Variants in SAGE1 observed in about 807,000 individuals in gnomAD.
SAGE1 encodes sarcoma antigen 1.
A neutral mutation model predicts 55.4 loss-of-function variants in SAGE1; 55 were observed. The ratio of observed to expected loss-of-function variants is 0.99; its 90% CI spans 0.80 to 1.24. The LOEUF (loss-of-function observed/expected upper bound fraction) is 1.24. Ranked by LOEUF, SAGE1 falls within the 50% of genes most tolerant of loss-of-function variation. The pLI is 0.00. For synonymous variants in SAGE1, 240 were observed against 244.3 expected, an observed-to-expected ratio of 0.98 and a Z score of 0.17; for missense variants, 710 against 704.4, an observed-to-expected ratio of 1.01 and a Z score of -0.09.
chrX:135,904,310 G>C (rs1274997638), intron 3 of SAGE1, among the ~76,000 whole-genome samples, 167 bp from the exon 4 acceptor site: 1 of 111,488 alleles, frequency 9.0e-6, no homozygotes, highest in Non-Finnish European at 1.9e-5. Context: ...AGGTAATTTT[G>C]TTGTATTATC....
At chrX:135,897,946 T>G (rs1224244977) in intron 2 of SAGE1, among the ~76,000 whole-genome samples, 4 of 112,442 alleles carry the variant, frequency 3.6e-5, no homozygotes, top group Non-Finnish European at 7.5e-5. Context: ...TTTTCTTGCG[T>G]TAGTTTCCTG....
intron 3 of SAGE1, among the ~76,000 whole-genome samples, chrX:135,902,221 A>C (rs1448605568): frequency 1.8e-5 from 2 of 111,102 alleles, no homozygotes; most frequent in Admixed American, 9.5e-5. Flanking sequence ...TATACTATCT[A>C]TTTAGGCGAT....
At chrX:135,911,393 G>A in intron 17 of SAGE1, 61 bp downstream of exon 17, 1 of 1,110,436 alleles carries the variant, frequency 9.0e-7, no homozygotes, top group Admixed American at 2.3e-5. Context: ...ATAGTGTCCT[G>A]CAGGGAAGAA....
Position 135,909,746 on chromosome X carries a change from G to T in SAGE1, c.1690G>T (p.Ala564Ser). 7 of 1,203,962 alleles carry T rather than the reference G, an allele frequency of 5.8e-6. No homozygotes were observed. Among genetic ancestry groups the T allele is most frequent in the Non-Finnish European group, 6.7e-6 (6 of 890,614 alleles). ...ACCAGGACTTACTTATTTGACAGTA[G>T]CTGGTATTCCGGCCATGAGTACCAG... Reference protein sequence around the residue: ...VLPGLTYLTVAGIPAMSTRDQ... With the variant: ...VLPGLTYLTVSGIPAMSTRDQ... The change falls in exon 14 of 20, where the codon GCT becomes TCT. Residue 564 changes from alanine (A) to serine (S), a missense_variant. Coordinates refer to ENST00000370709, the MANE Select transcript of SAGE1 (RefSeq NM_001381902.1).
intron 10 of SAGE1, 76 bp from the exon 11 acceptor site, chrX:135,908,013 G>A: frequency 9.0e-7 from 1 of 1,112,379 alleles, no homozygotes; most frequent in Non-Finnish European, 1.2e-6. Flanking sequence ...TAGATAGTGA[G>A]CATCAGAGGG....
chrX:135,898,167 G>A (rs1279102886), intron 2 of SAGE1, among the ~76,000 whole-genome samples: 2 of 110,995 alleles, frequency 1.8e-5, no homozygotes, highest in African/African-American at 3.3e-5. Flanking sequence ...GCAAGCGCCC[G>A]CCACCACACC....
chrX:135,909,805 G>A (rs781865847), intron 14 of SAGE1, 26 bp downstream of exon 14: 1 of 1,157,267 alleles, frequency 8.6e-7, no homozygotes, highest in Admixed American at 2.5e-5. Context: ...CAGTTGTACT[G>A]TCCTACTTGG....
In SAGE1 at chrX:135,906,474, A is replaced by G. The variant is rs1556601195; in HGVS notation, c.659A>G (p.Asn220Ser). ...KMENVQPAPDNVLLTLRPRRI... is the reference protein window; with the variant it reads ...KMENVQPAPDSVLLTLRPRRI... ...GAAAATGTCCAACCAGCACCTGATA[A>G]CGTGTTGTTGACTCTTCGACCACGG... Residue 220 changes from asparagine (N) to serine (S), a missense_variant, in exon 7 of 20, where the codon AAC becomes AGC. By Grantham distance (46) the Asn-to-Ser change is conservative (BLOSUM62 1). Transcript: ENST00000370709. 3.3e-6 allele frequency: 4 copies of G among 1,208,689 alleles called. No homozygotes were observed. Among genetic ancestry groups the G allele is most frequent in the Admixed American group, 2.2e-5 (1 of 45,816 alleles).
rs200846172 is a variant in SAGE1, at chrX:135,912,402, A to G, written c.2603A>G (p.Lys868Arg). 2.9e-5 allele frequency: 35 copies of G among 1,206,403 alleles called. No homozygotes were observed. Among genetic ancestry groups the G allele is most frequent in the Non-Finnish European group, 3.8e-5 (34 of 893,750 alleles). Residue 868 changes from lysine to arginine, a missense_variant, in exon 19 of 20, where the codon AAG becomes AGG. By Grantham distance (26) the Lys-to-Arg change is conservative. Transcript: ENST00000370709. ...VKRQFVEFTI[K>R]EAARFKKVVL... is the part of the protein sequence containing the mutation. ...AGACAATTTGTTGAATTTACCATCAAGGAAGCAGCAAGGTGAGTGCAAAAA... is the reference window on the plus strand; with the variant it reads ...AGACAATTTGTTGAATTTACCATCAGGGAAGCAGCAAGGTGAGTGCAAAAA...
At chrX:135,910,848 C>T (rs949656649) in intron 16 of SAGE1, among the ~76,000 whole-genome samples, 13 of 111,331 alleles carry the variant, frequency 1.2e-4, no homozygotes, top group Non-Finnish European at 3.8e-5. Context: ...AGATAAAAAA[C>T]GGCCAACCAG....
chrX:135,911,486 A>C (rs1293110451), intron 17 of SAGE1, 93 bp from the exon 18 acceptor site: 41 of 876,862 alleles, frequency 4.7e-5, no homozygotes, highest in Non-Finnish European at 6.4e-5. Flanking sequence ...GCTTCATGAG[A>C]TAACTCCCTA....
chrX:135,910,688 C>A (rs975966101), intron 16 of SAGE1, 133 bp downstream of exon 16: 37 of 552,618 alleles, frequency 6.7e-5, no homozygotes, highest in Non-Finnish European at 1.1e-4. Flanking sequence ...GTCCACCTGG[C>A]ATATCCTTGC....
In SAGE1 at chrX:135,911,753, A is replaced by G; in HGVS notation, c.2321A>G (p.Glu774Gly). Residue 774 changes from glutamate (E) to glycine (G), a missense_variant, in exon 18 of 20, where the codon GAG becomes GGG. By Grantham distance (98) the Glu-to-Gly change is moderately conservative. Transcript: ENST00000370709. Reference protein sequence around the residue: ...SHDFTSLSKDELLYKPDSNEF... With the variant: ...SHDFTSLSKDGLLYKPDSNEF... ...GACTTCACAAGTCTCAGCAAAGATG[A>G]GCTGCTTTACAAACCTGATAGTAAT... is the stretch of plus-strand genomic sequence containing the variant. 8.3e-7 allele frequency: 1 copy of G among 1,211,661 alleles called. No homozygotes were observed. Among genetic ancestry groups the G allele is most frequent in the Non-Finnish European group, 1.1e-6 (1 of 895,275 alleles).
At position 135,907,338 on chromosome X, in the gene SAGE1, T is replaced by C. The variant is rs1556602332; in HGVS notation, c.903T>C (p.Cys301=). 5 of 1,209,577 alleles carry C rather than the reference T, an allele frequency of 4.1e-6. No homozygotes were observed. The Admixed American group carries it at 1.1e-4, about 26-fold the overall frequency. ...GLYSTVPHNV[C]EEKMENDQPQ... Reference sequence around the variant, plus strand: ...ATTCCACCGTCCCTCACAATGTCTGTGAAGAGAAGATGGAAAATGACCAAC... The same window carrying C: ...ATTCCACCGTCCCTCACAATGTCTGCGAAGAGAAGATGGAAAATGACCAAC... Residue 301 remains cysteine, a synonymous_variant, in exon 9 of 20, where the codon TGT becomes TGC. Coordinates refer to ENST00000370709, the MANE Select transcript of SAGE1 (RefSeq NM_001381902.1).
At position 135,906,106 on chromosome X, in the gene SAGE1, C is replaced by T. The variant is rs151240146; in HGVS notation, c.537C>T (p.Pro179=). The change falls in exon 6 of 20, where the codon CCC becomes CCT. Residue 179 remains proline (P), a synonymous_variant. Transcript: ENST00000370709. The part of the protein sequence containing the change: ...PQPDNVLSTG[P]TGLINMAATP... ...CTGATAACGTCTTGTCAACTGGTCCCACAGGGCTTATTAATATGGCAGCAA... is the reference window on the plus strand; with the variant it reads ...CTGATAACGTCTTGTCAACTGGTCCTACAGGGCTTATTAATATGGCAGCAA... 25 of 1,202,740 alleles carry T rather than the reference C, an allele frequency of 2.1e-5. No individual in the cohort carries two copies. In the African/African-American group the frequency reaches 4.4e-4, roughly 21 times the overall value.
Position 135,901,414 on chromosome X carries a change from G to T in SAGE1, c.88-145G>T, listed in dbSNP as rs782378952. The T allele has an allele frequency of 3.1e-5, 17 of 554,626 alleles. No homozygotes were observed. In the South Asian group the frequency reaches 6.1e-4, roughly 20 times the overall value. The allele number at this position is 554,626 out of a possible 1,213,427, so 45.7% of individuals were successfully genotyped here. ...AGCTTGCCTTTTCTGAGAGCATCGT[G>T]TATGTTCAGGGATGAGAAATCTTTG... On this transcript the variant is annotated intron_variant, in intron 2 of 19. Transcript: ENST00000370709.
intron 11 of SAGE1, 58 bp from the exon 12 acceptor site, chrX:135,908,419 A>C: frequency 8.7e-7 from 1 of 1,143,129 alleles, no homozygotes. Context: ...GGATATATAC[A>C]TGTGTGCTTG....
In SAGE1 at chrX:135,908,873, T is replaced by C. The variant is rs150494017; in HGVS notation, c.1451T>C (p.Ile484Thr). The C allele has an allele frequency of 2.5e-6, 3 of 1,208,169 alleles. No homozygotes were observed. The African/African-American group carries it at 5.3e-5, about 21-fold the overall frequency. ...TCCCTTTGGTTTCCAGATGCTACCA[T>C]TACTCACAGTGTTCGTGAAGAGAAG... is the stretch of plus-strand genomic sequence containing the variant. The part of the protein sequence containing the change: ...AMSSRDLYAT[I>T]THSVREEKME... Residue 484 changes from isoleucine (I) to threonine (T), a missense_variant, in exon 13 of 20, where the codon ATT (isoleucine) becomes ACT (threonine). Transcript: ENST00000370709.
chrX:135,897,159 A>G (rs2088599358), intron 2 of SAGE1, among the ~76,000 whole-genome samples: 2 of 112,357 alleles, frequency 1.8e-5, no homozygotes, highest in Admixed American at 1.9e-4. Flanking sequence ...CTCGTGGAAT[A>G]TGAAGCACTA....
Sources: allele counts gnomAD v4.1 joint callset (sites outside exome capture counted in the v4.1 genomes callset), GRCh38; gene constraint gnomAD v4.1.1; transcripts MANE v1.5; gene names NCBI Gene and HGNC (gene_info 2026-07-23, HGNC 2026-07-21).